ERBB4: variants seen among roughly 807,000 people sequenced by gnomAD.
ERBB4 encodes erb-b2 receptor tyrosine kinase 4, also known as receptor tyrosine-protein kinase erbB-4.
In ERBB4, 42 loss-of-function variants were observed where a neutral mutation model predicts 158.0. The ratio of observed to expected loss-of-function variants is 0.27; its 90% CI spans 0.21 to 0.34. ERBB4 has a LOEUF of 0.34. Among genes scored for constraint, ERBB4 ranks in the 10% least tolerant of loss-of-function variants. ERBB4 has a pLI of 1.00. For missense variants in ERBB4, 1,333 were observed against 1,624.1 expected (o/e 0.82, Z 3.08); for synonymous variants, 583 against 558.7 (o/e 1.04, Z -0.61).
intron 2 of ERBB4, among the ~76,000 whole-genome samples, chr2:212,101,133 G>A (rs935856873): frequency 2.6e-5 from 4 of 151,692 alleles, no homozygotes; most frequent in Admixed American, 6.6e-5. Context: ...ACTTACACAC[G>A]GTTTTAAGTT....
At chr2:212,150,169 C>T (rs900373368) in intron 1 of ERBB4, among the ~76,000 whole-genome samples, 2 of 152,112 alleles carry the variant, frequency 1.3e-5, no homozygotes, top group African/African-American at 4.8e-5. Flanking sequence ...AGAAATCCTC[C>T]AAAATTAAAG....
intron 16 of ERBB4, among the ~76,000 whole-genome samples, chr2:211,655,629 C>T (rs931871033): frequency 5.3e-5 from 8 of 152,166 alleles, no homozygotes; most frequent in African/African-American, 1.7e-4. Flanking sequence ...ATAAGAAAAT[C>T]ATCAAAGCAA....
At chr2:212,234,514 G>A (rs2083782988) in intron 1 of ERBB4, among the ~76,000 whole-genome samples, 1 of 152,012 alleles carries the variant, frequency 6.6e-6, no homozygotes, top group Non-Finnish European at 1.5e-5. Context: ...GGGATTGCTG[G>A]GTCAAATGGT....
intron 2 of ERBB4, among the ~76,000 whole-genome samples, chr2:212,001,228 T>C (rs956703830): frequency 2.6e-5 from 4 of 152,120 alleles, no homozygotes; most frequent in Non-Finnish European, 5.9e-5. Flanking sequence ...AATTTCTAAA[T>C]ATGGGCAGTG....
At position 211,802,076 on chromosome 2, in the gene ERBB4, G is replaced by A. The variant is rs183991964; in HGVS notation, c.422-13917C>T. 9.2e-5 allele frequency among the ~76,000 whole-genome samples: 14 copies of A among 152,168 alleles called. No homozygotes were observed. In the East Asian group the frequency reaches 2.7e-3, roughly 30 times the overall value. ...AGATCGAGACCATCCTGGCTAACAC[G>A]GTGAAAACCCGTCTCTACTAAAAAT... On this transcript the variant is annotated intron_variant, in intron 3 of 27. Coordinates refer to ENST00000342788, the MANE Select transcript of ERBB4 (RefSeq NM_005235.3).
chr2:211,630,666 A>G, intron 16 of ERBB4, 72 bp from the exon 17 acceptor site: 1 of 1,307,702 alleles, frequency 7.6e-7, no homozygotes, highest in East Asian at 2.3e-5. Context: ...AGAAAAGAGC[A>G]GTTGTACAAG....
intron 7 of ERBB4, among the ~76,000 whole-genome samples, chr2:211,719,282 A>T (rs1384199355): frequency 6.6e-6 from 1 of 152,238 alleles, no homozygotes; most frequent in African/African-American, 2.4e-5. Flanking sequence ...ACAACTCGTT[A>T]TCAATGTTAA....
intron 9 of ERBB4, among the ~76,000 whole-genome samples, chr2:211,709,272 T>TATATATATATATATATATAC (rs1216222413): frequency 1.1e-4 from 16 of 141,056 alleles, no homozygotes; most frequent in African/African-American, 4.2e-4. Flanking sequence ...TATATATATA[T>TATATATATATATATATATAC]ATACATACAT....
chr2:211,758,764 C>T (rs115479352), intron 4 of ERBB4, among the ~76,000 whole-genome samples: 2,168 of 152,274 alleles, frequency 0.014, 43 homozygotes, highest in African/African-American at 0.05. Context: ...ACATGATAAC[C>T]CTTGGAGGTG....
intron 1 of ERBB4, among the ~76,000 whole-genome samples, chr2:212,474,819 A>ATTTTTTTT (rs1295029698): frequency 8.3e-5 from 6 of 72,186 alleles, no homozygotes; most frequent in Admixed American, 3.4e-4. Flanking sequence ...ACACCCGGCC[A>ATTTTTTTT]TTCTTTTTTT....
chr2:212,446,962 A>G (rs1489877819), intron 1 of ERBB4, among the ~76,000 whole-genome samples: 1 of 151,130 alleles, frequency 6.6e-6, no homozygotes, highest in Non-Finnish European at 1.5e-5. Flanking sequence ...AAGTCAATGG[A>G]AAGAAAAAAA....
chr2:211,906,467 A>G (rs921482136), intron 3 of ERBB4, among the ~76,000 whole-genome samples: 1 of 152,152 alleles, frequency 6.6e-6, no homozygotes, highest in African/African-American at 2.4e-5. Context: ...TATTATAGAT[A>G]GTTATGGGAT....
chr2:211,760,950 A>C lies in ERBB4; in HGVS notation c.557-10246T>G, dbSNP rs2075394952. 1.3e-5 allele frequency among the ~76,000 whole-genome samples: 2 copies of C among 152,186 alleles called. 1 individual carries two copies. The highest frequency in any genetic ancestry group is 4.1e-4 in the South Asian group (2 of 4,832). On this transcript the variant is annotated intron_variant, in intron 4 of 27. Transcript: ENST00000342788. The stretch of plus-strand genomic sequence containing the variant: ...GTCGGGCGTGGTGTCTCACGCCTAT[A>C]AGCCCAGCACTTTGGGAGGCCGAGG...
chr2:211,761,688 T>A (rs909780855), intron 4 of ERBB4, among the ~76,000 whole-genome samples: 1 of 152,214 alleles, frequency 6.6e-6, no homozygotes, highest in African/African-American at 2.4e-5. Context: ...ATTTTAGTAA[T>A]TGGCATTTAT....
chr2:212,281,327 T>C (rs549235738), intron 1 of ERBB4, among the ~76,000 whole-genome samples: 59 of 151,820 alleles, frequency 3.9e-4, no homozygotes, highest in African/African-American at 1.4e-3. Flanking sequence ...CGGGAATTAG[T>C]GTAAAATTTT....
At chr2:211,595,522 G>T (rs1311783920) in intron 19 of ERBB4, among the ~76,000 whole-genome samples, 1 of 151,994 alleles carries the variant, frequency 6.6e-6, no homozygotes, top group Non-Finnish European at 1.5e-5. Flanking sequence ...CAAATATAAA[G>T]CATTAATAAT....
chr2:212,248,118 T>C (rs1409440279), intron 1 of ERBB4, among the ~76,000 whole-genome samples: 1 of 152,134 alleles, frequency 6.6e-6, no homozygotes, highest in East Asian at 1.9e-4. Flanking sequence ...TTTACTTTTG[T>C]GATTAAAAAA....
At position 211,712,088 on chromosome 2, in the gene ERBB4, G is replaced by A; in HGVS notation, c.1086C>T (p.Ile362=). The change falls in exon 9 of 28, where the codon ATC becomes ATT. Residue 362 remains isoleucine (I), a synonymous_variant. Transcript: ENST00000342788. The part of the protein sequence containing the change: ...NIDKFINCTK[I]NGNLIFLVTG... ...TGACTAGAAAGATCAAATTCCCATT[G>A]ATCTTGGTACAGTTTATGAATTTGT... The A allele has an allele frequency of 3.7e-6, 6 of 1,612,076 alleles. No homozygotes were observed. Among genetic ancestry groups the A allele is most frequent in the Non-Finnish European group, 5.1e-6 (6 of 1,178,290 alleles).
intron 16 of ERBB4, among the ~76,000 whole-genome samples, chr2:211,638,753 T>C (rs1452174987): frequency 6.6e-6 from 1 of 152,186 alleles, no homozygotes; most frequent in Non-Finnish European, 1.5e-5. Context: ...ATATTGCCAT[T>C]AAATGAATAT....
Sources: gnomAD v4.1 joint callset for allele counts (sites outside exome capture counted in the v4.1 genomes callset) on GRCh38, gnomAD v4.1.1 for gene constraint, MANE v1.5 for transcripts, NCBI Gene and HGNC (gene_info 2026-07-23, HGNC 2026-07-21) for gene names.